ABCA13: variants seen among roughly 807,000 people sequenced by gnomAD.
ABCA13 encodes the protein ATP-binding cassette sub-family A member 13.
In ABCA13, 476 loss-of-function variants were observed where a neutral mutation model predicts 478.7. The observed-to-expected ratio is 0.99, with a 90% CI of 0.92 to 1.07. The LOEUF is 1.07. Among genes scored for constraint, ABCA13 ranks in the 50% least tolerant of loss-of-function variants. The probability of loss-of-function intolerance (pLI) is 0.00; values close to 1 mark genes in which losing one functional copy is unlikely to be tolerated. For missense variants in ABCA13, 6,060 were observed against 5,910.6 expected, an observed-to-expected ratio of 1.03 and a Z score of -0.83; for synonymous variants, 2,252 against 2,158.9, an observed-to-expected ratio of 1.04 and a Z score of -1.20.
chr7:48,647,478 T>A lies in ABCA13; in HGVS notation c.*1966T>A, dbSNP rs187987868. On this transcript the variant is annotated 3_prime_UTR_variant, in exon 62 of 62. Transcript: ENST00000435803. Reference sequence around the variant, plus strand: ...TTTAAACTGCAGTGAATAAATGAGATGTGCTTTAATTTAACCCGATTTTTG... The same window carrying A: ...TTTAAACTGCAGTGAATAAATGAGAAGTGCTTTAATTTAACCCGATTTTTG... 3.3e-5 allele frequency: 5 copies of A among 152,342 alleles called. No individual in the cohort carries two copies. Among genetic ancestry groups the A allele is most frequent in the Admixed American group, 1.3e-4 (2 of 15,300 alleles). 9.4% of individuals were successfully genotyped at this position (152,342 alleles called of 1,614,324 possible).
At chr7:48,401,719 C>T (rs1817631013) in intron 38 of ABCA13, among the ~76,000 whole-genome samples, 1 of 135,170 alleles carries the variant, frequency 7.4e-6, no homozygotes, top group Admixed American at 7.7e-5. Context: ...TTATTACCTA[C>T]TGCTCTTGGC....
chr7:48,238,735 T>C (rs555075910), intron 8 of ABCA13, among the ~76,000 whole-genome samples: 1 of 152,366 alleles, frequency 6.6e-6, no homozygotes, highest in African/African-American at 2.4e-5. Context: ...CCCAAAGTGC[T>C]GGGATTACAG....
chr7:48,636,941 A>G (rs1462565519), intron 59 of ABCA13, among the ~76,000 whole-genome samples: 1 of 152,178 alleles, frequency 6.6e-6, no homozygotes, highest in Non-Finnish European at 1.5e-5. Context: ...CTTCTCTGTT[A>G]AGGCAATTAT....
At chr7:48,445,000 T>C (rs1163429251) in intron 42 of ABCA13, among the ~76,000 whole-genome samples, 1 of 119,876 alleles carries the variant, frequency 8.3e-6, no homozygotes, top group Non-Finnish European at 1.7e-5. Flanking sequence ...TCTTTCTCTC[T>C]TTCTTTCTTT....
chr7:48,462,595 AC>A (rs918237774), intron 43 of ABCA13, among the ~76,000 whole-genome samples: 22 of 151,450 alleles, frequency 1.5e-4, no homozygotes, highest in Middle Eastern at 6.8e-3. Flanking sequence ...TACAACCTCC[AC>A]CTCCTGGGTT....
At chr7:48,541,543 A>C (rs1225578073) in intron 55 of ABCA13, among the ~76,000 whole-genome samples, 1 of 152,070 alleles carries the variant, frequency 6.6e-6, no homozygotes, top group Non-Finnish European at 1.5e-5. Flanking sequence ...ATTCAGAAAA[A>C]TTAAGTGGCT....
chr7:48,529,334 C>T (rs1337616129), intron 55 of ABCA13, among the ~76,000 whole-genome samples: 1 of 152,210 alleles, frequency 6.6e-6, no homozygotes, highest in African/African-American at 2.4e-5. Flanking sequence ...CATACCACTC[C>T]TGTGCTGTGC....
chr7:48,359,070 G>A (rs1348715589), intron 31 of ABCA13, among the ~76,000 whole-genome samples: 2 of 151,938 alleles, frequency 1.3e-5, no homozygotes, highest in African/African-American at 4.9e-5. Flanking sequence ...GCCAGCTTTG[G>A]GTGTCGGTCT....
At chr7:48,410,330 T>C (rs1407136542) in intron 39 of ABCA13, among the ~76,000 whole-genome samples, 190 bp from the exon 40 acceptor site, 1 of 152,088 alleles carries the variant, frequency 6.6e-6, no homozygotes, top group Non-Finnish European at 1.5e-5. Context: ...CCGTGGAAAC[T>C]ACTGTAGAGG....
At chr7:48,573,287 A>G (rs1257366738) in intron 55 of ABCA13, among the ~76,000 whole-genome samples, 1 of 152,016 alleles carries the variant, frequency 6.6e-6, no homozygotes, top group African/African-American at 2.4e-5. Flanking sequence ...TATGTCTGAT[A>G]ACTCCAATAT....
chr7:48,192,514 A>G (rs1562740295), intron 1 of ABCA13, among the ~76,000 whole-genome samples: 1 of 152,210 alleles, frequency 6.6e-6, no homozygotes, highest in Non-Finnish European at 1.5e-5. Flanking sequence ...CTTGTTTGGC[A>G]ATATTGAAAA....
rs146141721 is a variant in ABCA13 at position 48,471,444 on chromosome 7, T to G, written c.12906-86T>G. ...GAGATGATTATCTTGTGAACTCTGT[T>G]CTAGTCTGATGAAACTCTCTTTTAT... On this transcript the variant is annotated intron_variant, in intron 44 of 61. Coordinates refer to ENST00000435803, the MANE Select transcript of ABCA13 (RefSeq NM_152701.5). 138 of 1,230,994 alleles carry G rather than the reference T, an allele frequency of 1.1e-4. No individual in the cohort carries two copies. The East Asian group carries it at 3.4e-3, about 30-fold the overall frequency. The allele number at this position is 1,230,994 out of a possible 1,614,324, so 76.3% of individuals were successfully genotyped here.
rs780947859 is a variant in ABCA13, at chr7:48,274,415, C to T, written c.4749C>T (p.Thr1583=). 2 of 1,612,746 alleles carry T rather than the reference C, an allele frequency of 1.2e-6. No homozygotes were observed. Among genetic ancestry groups the T allele is most frequent in the South Asian group, 2.2e-5 (2 of 90,830 alleles). Reference sequence around the variant, plus strand: ...AAAACTTGTTAAACATATTTGCCACCAGTCCAAAAGAAAAGGATGTAAACA... The same window carrying T: ...AAAACTTGTTAAACATATTTGCCACTAGTCCAAAAGAAAAGGATGTAAACA... ...KTENLLNIFA[T]SPKEKDVNSV... is the part of the protein sequence containing the mutation. Residue 1583 remains threonine (T), a synonymous_variant, in exon 17 of 62, where the codon ACC becomes ACT. Transcript: ENST00000435803.
At chr7:48,188,330 C>A (rs1796631500) in intron 1 of ABCA13, among the ~76,000 whole-genome samples, 2 of 152,196 alleles carry the variant, frequency 1.3e-5, no homozygotes, top group South Asian at 4.1e-4. Context: ...CGAGAGTCAG[C>A]CTCATTGTTC....
chr7:48,413,225 C>T (rs986534645), intron 41 of ABCA13, among the ~76,000 whole-genome samples: 15 of 152,150 alleles, frequency 9.9e-5, no homozygotes, highest in African/African-American at 3.4e-4. Flanking sequence ...TGTAGAGATG[C>T]CCTCCTCTTT....
At chr7:48,376,145 AGTCCTTTCTACTCAGG>A (rs1178601606) in intron 34 of ABCA13, among the ~76,000 whole-genome samples, 2 of 152,204 alleles carry the variant, frequency 1.3e-5, no homozygotes, top group African/African-American at 2.4e-5. Flanking sequence ...TTAAATATAA[AGTCCTTTCTACTCAGG>A]TAAATAAAAC....
chr7:48,557,280 A>C (rs2131235684), intron 55 of ABCA13, among the ~76,000 whole-genome samples: 1 of 148,968 alleles, frequency 6.7e-6, no homozygotes, highest in South Asian at 2.1e-4. Flanking sequence ...TGTGCTCACT[A>C]TTACCAGTGA....
At position 48,412,408 on chromosome 7, in the gene ABCA13, T is replaced by TAA. The variant is rs1442606511; in HGVS notation, c.12286_12287dup (p.Ile4097ArgfsTer17). On this transcript the variant is annotated frameshift_variant, in exon 41 of 62. Transcript: ENST00000435803. LOFTEE classifies it high-confidence loss of function. ...GACATGGCTTGTGTTACATCCCTGA[T>TAA]AAAGATCTATATTCCACAAGCATTT... 1.9e-6 allele frequency: 3 copies of TAA among 1,613,650 alleles called. No individual in the cohort carries two copies. The highest frequency in any genetic ancestry group is 3.3e-5 in the Admixed American group (2 of 59,980).
intron 20 of ABCA13, among the ~76,000 whole-genome samples, chr7:48,291,623 C>T (rs938834703): frequency 6.6e-6 from 1 of 152,272 alleles, no homozygotes; most frequent in African/African-American, 2.4e-5. Context: ...CTCCTCAGTC[C>T]GAGCACTCCA....
Sources: allele counts gnomAD v4.1 joint callset (sites outside exome capture counted in the v4.1 genomes callset), GRCh38; gene constraint gnomAD v4.1.1; transcripts MANE v1.5; gene names NCBI Gene and HGNC (gene_info 2026-07-23, HGNC 2026-07-21).